Variants in NPAS3 observed in about 807,000 individuals in gnomAD.
The protein encoded by NPAS3 is neuronal PAS domain-containing protein 3.
NPAS3 carries 14 observed loss-of-function variants against 73.1 expected under a neutral mutation model. The observed-to-expected ratio is 0.19, with a 90% CI of 0.13 to 0.30. The LOEUF (loss-of-function observed/expected upper bound fraction) is 0.30, where lower values mean the gene tolerates loss of function less well. Among genes scored for constraint, NPAS3 ranks in the 10% least tolerant of loss-of-function variants. The pLI, the probability that NPAS3 is intolerant of heterozygous loss-of-function variation, is 1.00. For missense variants in NPAS3, 1,096 were observed against 1,250.0 expected, an observed-to-expected ratio of 0.88 and a Z score of 1.86; for synonymous variants, 620 against 541.5, an observed-to-expected ratio of 1.14 and a Z score of -2.01.
intron 2 of NPAS3, among the ~76,000 whole-genome samples, chr14:33,103,483 G>A (rs2051666257): frequency 6.6e-6 from 1 of 152,166 alleles, no homozygotes; most frequent in Non-Finnish European, 1.5e-5. Flanking sequence ...AAGCTTTGGT[G>A]TCCTTGAGGG....
chr14:33,290,591 T>C (rs1361282733), intron 3 of NPAS3, among the ~76,000 whole-genome samples: 2 of 152,236 alleles, frequency 1.3e-5, no homozygotes, highest in African/African-American at 2.4e-5. Flanking sequence ...ATTTCCTTCC[T>C]GTCAATTGTA....
At chr14:33,146,888 T>C (rs540883760) in intron 2 of NPAS3, among the ~76,000 whole-genome samples, 3 of 152,354 alleles carry the variant, frequency 2.0e-5, no homozygotes, top group Non-Finnish European at 4.4e-5. Context: ...AGTTGTTTCC[T>C]TCCCTGTTTC....
intron 2 of NPAS3, among the ~76,000 whole-genome samples, chr14:33,105,828 G>T (rs2138922229): frequency 6.6e-6 from 1 of 152,208 alleles, no homozygotes; most frequent in South Asian, 2.1e-4. Context: ...GTCTGGTAAT[G>T]GCATGGATAA....
chr14:33,772,741 C>G (rs1483284494), intron 7 of NPAS3, among the ~76,000 whole-genome samples: 1 of 152,190 alleles, frequency 6.6e-6, no homozygotes, highest in Non-Finnish European at 1.5e-5. Flanking sequence ...AGGTCTTGCA[C>G]AAACGTGTGT....
At chr14:33,390,428 T>G (rs1048114007) in intron 4 of NPAS3, among the ~76,000 whole-genome samples, 1 of 152,162 alleles carries the variant, frequency 6.6e-6, no homozygotes, top group African/African-American at 2.4e-5. Flanking sequence ...AAGAAGAACG[T>G]GTTCTTGCTT....
At chr14:33,287,218 T>C (rs1313176026) in intron 3 of NPAS3, among the ~76,000 whole-genome samples, 2 of 152,164 alleles carry the variant, frequency 1.3e-5, no homozygotes, top group East Asian at 1.9e-4. Flanking sequence ...TTCTTTTTAT[T>C]GTATGGGCAT....
At chr14:33,784,715 TG>T in intron 9 of NPAS3, among the ~76,000 whole-genome samples, 1 of 147,826 alleles carries the variant, frequency 6.8e-6, no homozygotes, top group Non-Finnish European at 1.5e-5. Flanking sequence ...TATTTTTTAT[TG>T]TTATTTTTAT....
intron 6 of NPAS3, among the ~76,000 whole-genome samples, chr14:33,679,592 T>C (rs1317790954): frequency 6.6e-6 from 1 of 152,202 alleles, no homozygotes; most frequent in African/African-American, 2.4e-5. Flanking sequence ...GAAAGGGATA[T>C]TGATATATGG....
intron 2 of NPAS3, among the ~76,000 whole-genome samples, chr14:33,127,494 G>A (rs2043471573): frequency 6.6e-6 from 1 of 152,112 alleles, no homozygotes; most frequent in South Asian, 2.1e-4. Context: ...TCTTGTGTTA[G>A]TTTGGGCTGT....
intron 1 of NPAS3, among the ~76,000 whole-genome samples, chr14:33,046,713 C>T (rs1242995329): frequency 1.3e-5 from 2 of 152,182 alleles, no homozygotes; most frequent in Non-Finnish European, 2.9e-5. Context: ...CAGTGGCTCA[C>T]GCCTGTAATA....
intron 2 of NPAS3, among the ~76,000 whole-genome samples, chr14:33,146,258 G>A (rs902361419): frequency 1.3e-5 from 2 of 152,226 alleles, no homozygotes; most frequent in African/African-American, 4.8e-5. Context: ...GTAAAGTGGG[G>A]GAAGCATGAG....
chr14:33,646,397 G>A (rs1567084737), intron 5 of NPAS3, among the ~76,000 whole-genome samples: 1 of 152,062 alleles, frequency 6.6e-6, no homozygotes, highest in African/African-American at 2.4e-5. Flanking sequence ...CTTAGAATGT[G>A]TGTATATTTG....
rs892562189 is a variant in NPAS3, at chr14:33,713,712, T to C, written c.734-21502T>C. ...GATTGTGCTCCCACCCTCTGTCCTTTAGTCTCACACAAGAGCCAGATCATG... is the reference window on the plus strand; with the variant it reads ...GATTGTGCTCCCACCCTCTGTCCTTCAGTCTCACACAAGAGCCAGATCATG... On this transcript the variant is annotated intron_variant, in intron 6 of 11. Coordinates refer to ENST00000356141, the Ensembl canonical transcript of NPAS3. 2.0e-5 allele frequency among the ~76,000 whole-genome samples: 3 copies of C among 152,226 alleles called. No individual in the cohort carries two copies. In the South Asian group the frequency reaches 6.2e-4, roughly 32 times the overall value.
intron 7 of NPAS3, among the ~76,000 whole-genome samples, chr14:33,752,676 G>A (rs568624977): frequency 5.9e-5 from 9 of 152,252 alleles, no homozygotes; most frequent in Non-Finnish European, 1.0e-4. Context: ...ACGAGCTTTC[G>A]ATCACTGGAG....
chr14:33,257,605 G>C (rs2048825904), intron 3 of NPAS3, among the ~76,000 whole-genome samples: 2 of 152,170 alleles, frequency 1.3e-5, no homozygotes, highest in Non-Finnish European at 2.9e-5. Context: ...GTGTGCCATA[G>C]GAGTAGATCA....
intron 2 of NPAS3, among the ~76,000 whole-genome samples, chr14:33,205,369 T>C (rs2046784609): frequency 6.6e-6 from 1 of 152,240 alleles, no homozygotes; most frequent in Non-Finnish European, 1.5e-5. Context: ...TTTGGCAATA[T>C]GTTTGTTTAC....
chr14:33,675,292 A>G (rs1027128867), intron 5 of NPAS3, among the ~76,000 whole-genome samples: 2 of 152,192 alleles, frequency 1.3e-5, no homozygotes, highest in Non-Finnish European at 2.9e-5. Flanking sequence ...AGGAGTACAG[A>G]GGTAAGGCCA....
chr14:33,235,802 A>ATTTTT (rs1370210170), intron 3 of NPAS3, among the ~76,000 whole-genome samples: 2 of 65,892 alleles, frequency 3.0e-5, no homozygotes, highest in Non-Finnish European at 6.5e-5. Context: ...TGTTGATACA[A>ATTTTT]TTCTTTTTTT....
chr14:33,068,963 C>G (rs912201499), intron 2 of NPAS3, among the ~76,000 whole-genome samples: 7 of 152,062 alleles, frequency 4.6e-5, no homozygotes, highest in African/African-American at 1.2e-4. Context: ...CAGGGAGGGA[C>G]TTCGGCTTTT....
Sources: allele counts gnomAD v4.1 joint callset (sites outside exome capture counted in the v4.1 genomes callset), GRCh38; gene constraint gnomAD v4.1.1; transcripts MANE v1.5; gene names NCBI Gene and HGNC (gene_info 2026-07-23, HGNC 2026-07-21).